The following SLC35D1 variants were observed in gnomAD, a reference collection of about 807,000 sequenced individuals.
SLC35D1 encodes solute carrier family 35 member D1.
Under a neutral mutation model 46.7 loss-of-function variants are expected in SLC35D1, and 31 were observed. The observed-to-expected ratio is 0.66, with a 90% CI of 0.50 to 0.90. SLC35D1 has a LOEUF of 0.90. Ranked by LOEUF, SLC35D1 falls within the 40% of genes least tolerant of loss-of-function variation. The pLI, the probability that SLC35D1 is intolerant of heterozygous loss-of-function variation, is 0.00. For synonymous variants in SLC35D1, 195 were observed against 164.6 expected (o/e 1.18, Z -1.41); for missense variants, 397 against 426.2 (o/e 0.93, Z 0.60).
In SLC35D1 at chr1:67,013,157, G is replaced by GATATATATATATAT. The variant is rs964691631; in HGVS notation, c.877-3991_877-3990insATATATATATATAT. On this transcript the variant is annotated intron_variant, in intron 10 of 11. Transcript: ENST00000235345. Reference sequence around the variant, plus strand: ...ATAATTTAAGAACATATATCCTGGAGATATATATATATCCTGTTCTTAAAT... The same window carrying GATATATATATATAT: ...ATAATTTAAGAACATATATCCTGGAGATATATATATATATATATATATATATCCTGTTCTTAAAT... Among the ~76,000 whole-genome samples the GATATATATATATAT allele has an allele frequency of 1.9e-3, 58 of 29,814 alleles. 8 individuals are homozygous for GATATATATATATAT. The highest frequency in any genetic ancestry group is 9.8e-3 in the African/African-American group (55 of 5,586). The allele number at this position is 29,814 out of a possible 152,430, so 19.6% of individuals were successfully genotyped here.
At chr1:67,025,474 G>A (rs541201527) in intron 8 of SLC35D1, among the ~76,000 whole-genome samples, 3 of 152,220 alleles carry the variant, frequency 2.0e-5, no homozygotes, top group East Asian at 1.9e-4. Flanking sequence ...CTTGATTACT[G>A]AAGCTTTATA....
the SLC35D1 span, among the ~76,000 whole-genome samples, chr1:66,973,494 A>G: frequency 6.6e-6 from 1 of 152,044 alleles, no homozygotes; most frequent in African/African-American, 2.4e-5. Flanking sequence ...AATCAGCTTT[A>G]TATTCTTATA....
the SLC35D1 span, among the ~76,000 whole-genome samples, chr1:66,976,250 C>T: frequency 5.3e-5 from 8 of 152,204 alleles, no homozygotes; most frequent in Admixed American, 6.5e-5. Context: ...GATCCACCCC[C>T]CTTGGCCTCC....
chr1:67,022,617 G>A (rs1000500662), intron 8 of SLC35D1, among the ~76,000 whole-genome samples: 5 of 152,286 alleles, frequency 3.3e-5, no homozygotes, highest in Non-Finnish European at 5.9e-5. Flanking sequence ...TGAACTCCCT[G>A]AAGGGAGGAC....
intron 1 of SLC35D1, 24 bp downstream of exon 1, chr1:67,053,787 G>GGGCCGCCGCCGCCTC (rs1389617305): frequency 5.2e-6 from 8 of 1,550,328 alleles, no homozygotes; most frequent in East Asian, 5.2e-5. Context: ...TCCGCGGCCT[G>GGGCCGCCGCCGCCTC]GGCCGCCGCC....
intron 8 of SLC35D1, among the ~76,000 whole-genome samples, chr1:67,025,955 T>A (rs1667905641): frequency 1.3e-5 from 2 of 152,204 alleles, no homozygotes; most frequent in African/African-American, 4.8e-5. Context: ...TTTAAGATTT[T>A]CTACATATAT....
the SLC35D1 span, chr1:66,988,508 C>G: frequency 6.6e-6 from 1 of 151,898 alleles, no homozygotes; most frequent in Non-Finnish European, 1.5e-5. Flanking sequence ...CTTTTGCCAA[C>G]TATACGGACG....
chr1:67,026,279 T>C (rs1397560226), intron 8 of SLC35D1, among the ~76,000 whole-genome samples: 1 of 152,220 alleles, frequency 6.6e-6, no homozygotes. Flanking sequence ...ATAGTTCTAC[T>C]ATATTCTTGT....
the SLC35D1 span, chr1:66,981,923 GCAA>G: frequency 6.2e-7 from 1 of 1,612,856 alleles, no homozygotes; most frequent in Non-Finnish European, 8.5e-7. Context: ...AAAATGGTAA[GCAA>G]CCAGAGAAAC....
the SLC35D1 span, among the ~76,000 whole-genome samples, chr1:66,973,243 A>G: frequency 6.6e-6 from 1 of 152,034 alleles, no homozygotes. Context: ...ATGTTAATCA[A>G]CTTCTAGTTG....
intron 6 of SLC35D1, among the ~76,000 whole-genome samples, chr1:67,047,790 T>A (rs1326804858): frequency 6.6e-6 from 1 of 152,206 alleles, no homozygotes; most frequent in African/African-American, 2.4e-5. Context: ...TAGGACTATC[T>A]TGCATAGGTA....
chr1:67,033,539 T>G (rs1390111169), intron 8 of SLC35D1, among the ~76,000 whole-genome samples: 1 of 152,244 alleles, frequency 6.6e-6, no homozygotes, highest in Admixed American at 6.5e-5. Context: ...TTTTGAGAAA[T>G]GTCTACTCAG....
the SLC35D1 span, chr1:66,984,529 C>CT: frequency 6.9e-7 from 1 of 1,454,140 alleles, no homozygotes; most frequent in South Asian, 1.4e-5. Context: ...GCAAATTTAA[C>CT]TTTTTTCTAA....
the SLC35D1 span, among the ~76,000 whole-genome samples, chr1:66,991,920 C>T: frequency 1.3e-5 from 2 of 152,044 alleles, no homozygotes; most frequent in South Asian, 4.1e-4. Flanking sequence ...TCTAAACTGG[C>T]CATCTGTAAA....
chr1:67,037,763 A>C (rs1001878730), intron 8 of SLC35D1, among the ~76,000 whole-genome samples: 3 of 152,198 alleles, frequency 2.0e-5, no homozygotes, highest in Non-Finnish European at 4.4e-5. Context: ...GAAGTCTAAA[A>C]ATAAACCACT....
chr1:67,025,090 G>A lies in SLC35D1; in HGVS notation c.730-3488C>T, dbSNP rs112814392. 3.7e-3 allele frequency among the ~76,000 whole-genome samples: 565 copies of A among 152,146 alleles called. 6 individuals carry two copies. Among genetic ancestry groups the A allele is most frequent in the African/African-American group, 0.012 (481 of 41,480 alleles). ...TAAGAACACCAGTCATATTGAATTA[G>A]TGACCCACCCTACTCCCGTATGACC... On this transcript the variant is annotated intron_variant, in intron 8 of 11. Transcript: ENST00000235345.
In SLC35D1 at chr1:67,004,294, T is replaced by G; in HGVS notation, c.*46A>C. 6.6e-7 allele frequency: 1 copy of G among 1,522,272 alleles called. No homozygotes were observed. The highest frequency in any genetic ancestry group is 9.1e-7 in the Non-Finnish European group (1 of 1,096,806). 94.3% of individuals were successfully genotyped at this position (1,522,272 alleles called of 1,614,324 possible). A position where few individuals can be genotyped will look rare whatever the true frequency, so the allele number is the denominator to read the frequency against. Reference sequence around the variant, plus strand: ...CTGTAGGAACTGCCAGTGTTCTGAGTTGATTAAAAACTTAGGCCTACGTAT... The same window carrying G: ...CTGTAGGAACTGCCAGTGTTCTGAGGTGATTAAAAACTTAGGCCTACGTAT... On this transcript the variant is annotated 3_prime_UTR_variant, in exon 12 of 12. Transcript: ENST00000235345.
intron 10 of SLC35D1, among the ~76,000 whole-genome samples, chr1:67,011,154 G>A (rs1667557989): frequency 6.6e-6 from 1 of 152,000 alleles, no homozygotes; most frequent in East Asian, 1.9e-4. Flanking sequence ...TAGTATATAA[G>A]CTTCTACACT....
the SLC35D1 span, among the ~76,000 whole-genome samples, chr1:66,982,995 T>C: frequency 6.6e-6 from 1 of 152,272 alleles, no homozygotes; most frequent in East Asian, 1.9e-4. Context: ...TTGTTTTTCC[T>C]GTTTGTTCTT....
Sources: allele counts gnomAD v4.1 joint callset (sites outside exome capture counted in the v4.1 genomes callset), GRCh38; gene constraint gnomAD v4.1.1; transcripts MANE v1.5; gene names NCBI Gene and HGNC (gene_info 2026-07-23, HGNC 2026-07-21).